NT5C2: variants seen among roughly 807,000 people sequenced by gnomAD.
NT5C2 encodes cytosolic purine 5'-nucleotidase.
Under a neutral mutation model 76.1 loss-of-function variants are expected in NT5C2, and 58 were observed. The observed-to-expected ratio is 0.76, with a 90% CI of 0.62 to 0.95. The LOEUF (loss-of-function observed/expected upper bound fraction) is 0.95. Ranked by LOEUF, NT5C2 falls within the 40% of genes least tolerant of loss-of-function variation. NT5C2 has a pLI of 0.00. For synonymous variants in NT5C2, 229 were observed against 237.4 expected (o/e 0.96, Z 0.32); for missense variants, 478 against 690.3 (o/e 0.69, Z 3.45).
intron 1 of NT5C2, among the ~76,000 whole-genome samples, chr10:103,185,896 T>G (rs1402332059): frequency 6.6e-6 from 1 of 152,184 alleles, no homozygotes; most frequent in Non-Finnish European, 1.5e-5. Flanking sequence ...TGGTTAAAAT[T>G]CAGAGATATG....
At chr10:103,128,072 TCC>T (rs2077031066) in intron 4 of NT5C2, among the ~76,000 whole-genome samples, 1 of 146,646 alleles carries the variant, frequency 6.8e-6, no homozygotes, top group Non-Finnish European at 1.5e-5. Context: ...CCTCTCCCTC[TCC>T]CTCTCCCTCT....
At chr10:103,148,366 G>A (rs890352795) in intron 3 of NT5C2, among the ~76,000 whole-genome samples, 1 of 152,208 alleles carries the variant, frequency 6.6e-6, no homozygotes, top group Admixed American at 6.5e-5. Context: ...ACTTTGGGAG[G>A]CTGAGGCGGG....
chr10:103,189,163 T>C (rs151223243), intron 1 of NT5C2, among the ~76,000 whole-genome samples: 284 of 152,274 alleles, frequency 1.9e-3, no homozygotes, highest in African/African-American at 6.0e-3. Flanking sequence ...GTGGGATATA[T>C]ATTTTTATAG....
chr10:103,186,368 T>C (rs1417498171), intron 1 of NT5C2, among the ~76,000 whole-genome samples: 1 of 152,248 alleles, frequency 6.6e-6, no homozygotes, highest in Non-Finnish European at 1.5e-5. Context: ...AATACAGTAC[T>C]TGATGTTTGC....
At position 103,088,981 on chromosome 10, in the gene NT5C2, G is replaced by T. The variant is rs2066051749; in HGVS notation, c.*691C>A. 4.8e-6 allele frequency: 1 copy of T among 209,318 alleles called. No homozygotes were observed. Among genetic ancestry groups the T allele is most frequent in the African/African-American group, 2.3e-5 (1 of 43,994 alleles). 13.0% of individuals were successfully genotyped at this position (209,318 alleles called of 1,614,324 possible). A position where few individuals can be genotyped will look rare whatever the true frequency, so the allele number is the denominator to read the frequency against. On this transcript the variant is annotated 3_prime_UTR_variant, in exon 19 of 19. Coordinates refer to ENST00000404739, the MANE Select transcript of NT5C2 (RefSeq NM_001351169.2). ...CTATAGATTTATCACAGATAAGAAGGAGGTTGTTTTTGGATAACAAATAAG... is the reference window on the plus strand; with the variant it reads ...CTATAGATTTATCACAGATAAGAAGTAGGTTGTTTTTGGATAACAAATAAG...
intron 4 of NT5C2, among the ~76,000 whole-genome samples, chr10:103,129,157 G>A (rs1287250277): frequency 9.2e-4 from 101 of 109,668 alleles, no homozygotes; most frequent in African/African-American, 3.0e-3. Context: ...CAGCCGCCCC[G>A]TCCGGGAGGT....
At chr10:103,155,549 C>T (rs926294354) in intron 3 of NT5C2, among the ~76,000 whole-genome samples, 1 of 152,026 alleles carries the variant, frequency 6.6e-6, no homozygotes, top group South Asian at 2.1e-4. Context: ...AGAAGAGGAA[C>T]CATGAACAAA....
At chr10:103,161,599 C>A (rs957733394) in intron 3 of NT5C2, among the ~76,000 whole-genome samples, 1 of 152,106 alleles carries the variant, frequency 6.6e-6, no homozygotes, top group Non-Finnish European at 1.5e-5. Flanking sequence ...GCCTGTAGTG[C>A]TACAGTCCCA....
intron 6 of NT5C2, 110 bp downstream of exon 6, chr10:103,105,596 C>A: frequency 1.3e-6 from 1 of 773,604 alleles, no homozygotes; most frequent in Non-Finnish European, 2.1e-6. Flanking sequence ...GGAATTTGCT[C>A]TTTAATGATG....
intron 15 of NT5C2, 61 bp downstream of exon 15, chr10:103,093,078 C>T (rs887298564): frequency 2.0e-5 from 28 of 1,378,446 alleles, no homozygotes; most frequent in Middle Eastern, 1.9e-4. Context: ...TTATCAAAGA[C>T]GACTGATTCA....
At position 103,090,703 on chromosome 10, in the gene NT5C2, G is replaced by C; in HGVS notation, c.1357C>G (p.Gln453Glu). Reference sequence around the variant, plus strand: ...TAGAGGTCAGCATAACGCATCACTTGACTGGCAAAAAGGGTCTGCCGGGAG... The same window carrying C: ...TAGAGGTCAGCATAACGCATCACTTCACTGGCAAAAAGGGTCTGCCGGGAG... Reference protein sequence around the residue: ...SGSRQTLFASQVMRYADLYAA... With the variant: ...SGSRQTLFASEVMRYADLYAA... Residue 453 changes from glutamine to glutamate, a missense_variant, in exon 18 of 19, where the codon CAA becomes GAA. Transcript: ENST00000404739. The C allele has an allele frequency of 6.2e-7, 1 of 1,614,134 alleles. No individual in the cohort carries two copies. Among genetic ancestry groups the C allele is most frequent in the Non-Finnish European group, 8.5e-7 (1 of 1,180,016 alleles).
intron 4 of NT5C2, among the ~76,000 whole-genome samples, chr10:103,130,423 G>C (rs1269938143): frequency 6.6e-6 from 1 of 150,476 alleles, no homozygotes; most frequent in Non-Finnish European, 1.5e-5. Context: ...ACTGCGGAAG[G>C]CCGCAGGGTC....
chr10:103,170,219 T>C (rs201126212), intron 3 of NT5C2, among the ~76,000 whole-genome samples: 2 of 152,022 alleles, frequency 1.3e-5, no homozygotes, highest in Non-Finnish European at 2.9e-5. Context: ...CTGTGGCAGG[T>C]GGATTGCTTA....
At chr10:103,096,050 C>A (rs1247250167) in intron 11 of NT5C2, 70 bp from the exon 12 acceptor site, 1 of 1,098,710 alleles carries the variant, frequency 9.1e-7, no homozygotes, top group South Asian at 1.3e-5. Flanking sequence ...AAAGAAATTA[C>A]AAGCTTTTCA....
chr10:103,107,984 G>A (rs2071812911), intron 4 of NT5C2, among the ~76,000 whole-genome samples: 2 of 151,978 alleles, frequency 1.3e-5, no homozygotes, highest in Admixed American at 1.3e-4. Flanking sequence ...GTGAAACCCC[G>A]TCTCTACTAA....
intron 3 of NT5C2, among the ~76,000 whole-genome samples, chr10:103,156,185 G>A (rs1399801137): frequency 6.6e-6 from 1 of 151,938 alleles, no homozygotes. Flanking sequence ...TTTTTGAGGA[G>A]GACAAGGCTG....
At chr10:103,117,664 A>T (rs1272147223) in intron 4 of NT5C2, among the ~76,000 whole-genome samples, 1 of 151,602 alleles carries the variant, frequency 6.6e-6, no homozygotes, top group Non-Finnish European at 1.5e-5. Context: ...CAACAACAAC[A>T]AACAATATGC....
intron 2 of NT5C2, 101 bp from the exon 3 acceptor site, chr10:103,175,083 T>A: frequency 1.6e-6 from 1 of 644,616 alleles, no homozygotes; most frequent in Non-Finnish European, 2.7e-6. Flanking sequence ...GCAAACTGCC[T>A]AATATAATTA....
intron 4 of NT5C2, chr10:103,125,343 A>C (rs2076463373): frequency 2.6e-6 from 1 of 384,280 alleles, no homozygotes; most frequent in African/African-American, 2.2e-5. Flanking sequence ...CCTAGTAAGA[A>C]CCTGGCGTTT....
Sources: allele counts gnomAD v4.1 joint callset (sites outside exome capture counted in the v4.1 genomes callset), GRCh38; gene constraint gnomAD v4.1.1; transcripts MANE v1.5; gene names NCBI Gene and HGNC (gene_info 2026-07-23, HGNC 2026-07-21).